Variants in FBXL22 observed in about 807,000 individuals in gnomAD.
FBXL22 encodes F-box and leucine-rich protein 22.
Under a neutral mutation model 11.7 loss-of-function variants are expected in FBXL22, and 13 were observed. That is an observed-to-expected ratio of 1.11 (90% CI 0.73 to 1.77). The LOEUF (loss-of-function observed/expected upper bound fraction) is 1.77. FBXL22 is among the 40% of genes most tolerant of loss of function. The pLI, the probability that FBXL22 is intolerant of heterozygous loss-of-function variation, is 0.00. For missense variants in FBXL22, 406 were observed against 320.4 expected, an observed-to-expected ratio of 1.27 and a Z score of -2.04; for synonymous variants, 160 against 144.1, an observed-to-expected ratio of 1.11 and a Z score of -0.79.
downstream of FBXL22, chr15:63,601,347 G>T (rs763572934): frequency 6.2e-5 from 100 of 1,603,512 alleles, no homozygotes; most frequent in Non-Finnish European, 8.1e-5. Flanking sequence ...CACCGTCCTC[G>T]GGGACTCCGA....
intron 1 of FBXL22, chr15:63,599,216 G>A (rs888955321): frequency 1.7e-5 from 26 of 1,535,832 alleles, no homozygotes; most frequent in Non-Finnish European, 2.3e-5. Flanking sequence ...AACGTCTACT[G>A]AATCTGGTTC....
chr15:63,606,782 C>G (rs2067417011), downstream of FBXL22, among the ~76,000 whole-genome samples: 1 of 152,154 alleles, frequency 6.6e-6, no homozygotes, highest in Admixed American at 6.5e-5. Flanking sequence ...GTGCAGATTC[C>G]CCTCACAGGG....
intron 1 of FBXL22, among the ~76,000 whole-genome samples, chr15:63,598,260 G>T (rs1225932608): frequency 6.6e-6 from 1 of 152,198 alleles, no homozygotes; most frequent in Admixed American, 6.5e-5. Context: ...TATTCCTAAG[G>T]AGGGTGGCTT....
chr15:63,599,589 G>A (rs1381420824), intron 1 of FBXL22: 4 of 1,014,596 alleles, frequency 3.9e-6, no homozygotes, highest in East Asian at 9.4e-5. Flanking sequence ...GGAGGCCCGG[G>A]CTCGGTGTGA....
At chr15:63,601,330 G>A, downstream of FBXL22, 1 of 1,596,948 alleles carries the variant, frequency 6.3e-7, no homozygotes, top group Non-Finnish European at 8.5e-7. Flanking sequence ...GAGGCGGGAG[G>A]CGCCTGCACC....
chr15:63,600,961 C>T lies in FBXL22; in HGVS notation c.618C>T (p.His206=). ...CGCGCCTGGCCCTGCGGGCAGAGCA[C>T]AGCGCCGCCATGCTGCCCGACCAGC... ...ACPRLALRAE[H]SAAMLPDQPP... is the part of the protein sequence containing the mutation. Residue 206 remains histidine (H), a synonymous_variant, in exon 2 of 2, where the codon CAC becomes CAT. Transcript: ENST00000638704. The T allele has an allele frequency of 1.7e-6, 2 of 1,194,772 alleles. No homozygotes were observed. Among genetic ancestry groups the T allele is most frequent in the Non-Finnish European group, 2.1e-6 (2 of 964,276 alleles). 74.0% of individuals were successfully genotyped at this position (1,194,772 alleles called of 1,614,324 possible). A position where few individuals can be genotyped will look rare whatever the true frequency, so the allele number is the denominator to read the frequency against.
At chr15:63,603,750 C>T (rs1432985272), downstream of FBXL22, among the ~76,000 whole-genome samples, 2 of 152,192 alleles carry the variant, frequency 1.3e-5, no homozygotes, top group Non-Finnish European at 2.9e-5. Flanking sequence ...CACAGTAAGC[C>T]CTGGCCCAGC....
intron 1 of FBXL22, chr15:63,599,056 C>T (rs2152688292): frequency 1.3e-6 from 1 of 762,806 alleles, no homozygotes; most frequent in Non-Finnish European, 2.2e-6. Flanking sequence ...CTGAGCCGCT[C>T]AGCTCGTCCA....
rs1247140446 is a variant in FBXL22, at chr15:63,600,833, T to A, written c.490T>A (p.Leu164Met). 4.1e-6 allele frequency: 5 copies of A among 1,230,442 alleles called. No homozygotes were observed. Among genetic ancestry groups the A allele is most frequent in the Admixed American group, 4.2e-5 (1 of 23,652 alleles). 76.2% of individuals were successfully genotyped at this position (1,230,442 alleles called of 1,614,324 possible). ...CTGCGCGCGCGTCACCAACCGCACG[T>A]TGGCTGCCGTGGCGGCGGACGGGCG... ...ENCARVTNRT[L>M]AAVAADGRAL... The change falls in exon 2 of 2, where the codon TTG (leucine) becomes ATG (methionine). Residue 164 changes from leucine to methionine, a missense_variant. By Grantham distance (15) the Leu-to-Met change is conservative. Coordinates refer to ENST00000638704, the MANE Select transcript of FBXL22 (RefSeq NM_001367807.1).
Position 63,597,484 on chromosome 15 carries a change from G to A in FBXL22, c.92G>A (p.Ser31Asn), listed in dbSNP as rs752425200. ...TTCCTAGACAAGGACAGCAGGAAGA[G>A]CCTTGCCAGGACCTGCTCCCAGCTC... Reference protein sequence around the residue: ...FSFLDKDSRKSLARTCSQLHD... With the variant: ...FSFLDKDSRKNLARTCSQLHD... Residue 31 changes from serine (S) to asparagine (N), a missense_variant, in exon 1 of 2, where the codon AGC becomes AAC. By Grantham distance (46) the Ser-to-Asn change is conservative. Coordinates refer to ENST00000638704, the MANE Select transcript of FBXL22 (RefSeq NM_001367807.1). This position sits in a 1 kb window ranked among gnomAD's most constrained non-coding sequence, Gnocchi z 4.3. 5.6e-6 allele frequency: 9 copies of A among 1,614,090 alleles called. No homozygotes were observed. Among genetic ancestry groups the A allele is most frequent in the South Asian group, 2.2e-5 (2 of 91,084 alleles).
downstream of FBXL22, among the ~76,000 whole-genome samples, chr15:63,606,076 C>T (rs1416904762): frequency 2.0e-5 from 3 of 152,218 alleles, no homozygotes; most frequent in Non-Finnish European, 2.9e-5. Context: ...TACCACGGCA[C>T]GCTGACAGGA....
At chr15:63,602,291 G>A (rs1345581801), downstream of FBXL22, 1 of 152,190 alleles carries the variant, frequency 6.6e-6, no homozygotes, top group Non-Finnish European at 1.5e-5. Flanking sequence ...GTATATAAGA[G>A]GGTAGAAGGG....
the FBXL22 span, among the ~76,000 whole-genome samples, chr15:63,608,089 C>T: frequency 1.3e-5 from 2 of 152,266 alleles, no homozygotes; most frequent in Non-Finnish European, 2.9e-5. Flanking sequence ...CTCATTGATA[C>T]ATGCTAAGTG....
At chr15:63,604,841 G>C (rs150644500), downstream of FBXL22, among the ~76,000 whole-genome samples, 2,626 of 152,246 alleles carry the variant, frequency 0.017, 73 homozygotes, top group African/African-American at 0.06. Context: ...GATCACCTGA[G>C]GTCAGGAGTT....
In FBXL22 at chr15:63,601,018, C is replaced by G. The variant is rs2067362843; in HGVS notation, c.675C>G (p.Leu225=). 4 of 1,209,074 alleles carry G rather than the reference C, an allele frequency of 3.3e-6. No individual in the cohort carries two copies. The highest frequency in any genetic ancestry group is 3.1e-6 in the Non-Finnish European group (3 of 973,676). 74.9% of individuals were successfully genotyped at this position (1,209,074 alleles called of 1,614,324 possible). Residue 225 remains leucine (L), a synonymous_variant, in exon 2 of 2, where the codon CTC becomes CTG. Transcript: ENST00000638704. The part of the protein sequence containing the change: ...PPRPRAPAAA[L]GKLLQR Reference sequence around the variant, plus strand: ...GCCCGCGCGCGCCCGCCGCGGCCCTCGGCAAGCTGCTGCAGCGCTAGACGC... The same window carrying G: ...GCCCGCGCGCGCCCGCCGCGGCCCTGGGCAAGCTGCTGCAGCGCTAGACGC...
intron 1 of FBXL22, chr15:63,599,372 T>C (rs2067327111): frequency 7.1e-7 from 1 of 1,418,284 alleles, no homozygotes; most frequent in Admixed American, 3.0e-5. Context: ...CTTAAACACC[T>C]AATCCTTATA....
downstream of FBXL22, chr15:63,601,583 G>GGC: frequency 6.4e-7 from 1 of 1,568,742 alleles, no homozygotes; most frequent in Non-Finnish European, 8.6e-7. Flanking sequence ...GGGAAGCAGG[G>GGC]GCGCACGGGC....
chr15:63,601,143 T>C lies in FBXL22; in HGVS notation c.*104T>C. The C allele has an allele frequency of 1.5e-6, 2 of 1,370,624 alleles. No homozygotes were observed. The highest frequency in any genetic ancestry group is 1.7e-5 in the South Asian group (1 of 58,544). 84.9% of individuals were successfully genotyped at this position (1,370,624 alleles called of 1,614,324 possible). On this transcript the variant is annotated 3_prime_UTR_variant, in exon 2 of 2. Coordinates refer to ENST00000638704, the MANE Select transcript of FBXL22 (RefSeq NM_001367807.1). ...AGACCACCACCGCATATTCTGAGCC[T>C]CATTTTCCCCGTCTGCACAGTGGGG...
chr15:63,606,082 C>T (rs2067411584), downstream of FBXL22, among the ~76,000 whole-genome samples: 1 of 152,236 alleles, frequency 6.6e-6, no homozygotes, highest in Non-Finnish European at 1.5e-5. Context: ...GGCACGCTGA[C>T]AGGAAGCAGA....
Sources: gnomAD v4.1 joint callset for allele counts (sites outside exome capture counted in the v4.1 genomes callset) on GRCh38, gnomAD v4.1.1 for gene constraint, Gnocchi (gnomAD v3.1) non-coding constraint, MANE v1.5 for transcripts, NCBI Gene and HGNC (gene_info 2026-07-23, HGNC 2026-07-21) for gene names.